Variants in MBNL2 observed in about 807,000 individuals in gnomAD.
MBNL2 encodes muscleblind like splicing regulator 2.
MBNL2 carries 17 observed loss-of-function variants against 41.9 expected under a neutral mutation model. That is an observed-to-expected ratio of 0.41 (90% CI 0.28 to 0.61). The LOEUF is 0.61. Ranked by LOEUF, MBNL2 falls within the 20% of genes least tolerant of loss-of-function variation. The probability of loss-of-function intolerance (pLI) is 0.35; values close to 1 mark genes in which losing one functional copy is unlikely to be tolerated. For synonymous variants in MBNL2, 195 were observed against 182.9 expected (o/e 1.07, Z -0.53); for missense variants, 336 against 505.6 (o/e 0.66, Z 3.22).
At chr13:97,172,612 A>T in the MBNL2 span, 1 of 152,206 alleles carries the variant, frequency 6.6e-6, no homozygotes, top group Non-Finnish European at 1.5e-5. Context: ...AGCATGGTTA[A>T]ATGAGAATCT....
In MBNL2 at chr13:97,366,966, TAGAA is replaced by T. The variant is rs984345440; in HGVS notation, c.1048+1799_1048+1802del. Among the ~76,000 whole-genome samples, 5 of 152,290 alleles carry T rather than the reference TAGAA, an allele frequency of 3.3e-5. No individual in the cohort carries two copies. Among genetic ancestry groups the T allele is most frequent in the East Asian group, 1.9e-4 (1 of 5,172 alleles). On this transcript the variant is annotated intron_variant, in intron 8 of 8. Coordinates refer to ENST00000679496, the MANE Select transcript of MBNL2 (RefSeq NM_001382683.1). The surrounding 1 kb of genome is among the most constrained non-coding windows in gnomAD (Gnocchi z 4.7). ...TGTGTGGAGGAAAAAAATCTCCTCTTAGAAAGAGTCATATTTGAGGCCTAAGTGT... is the reference window on the plus strand; with the variant it reads ...TGTGTGGAGGAAAAAAATCTCCTCTTAGAGTCATATTTGAGGCCTAAGTGT...
At chr13:97,152,584 C>A in the MBNL2 span, among the ~76,000 whole-genome samples, 1 of 152,172 alleles carries the variant, frequency 6.6e-6, no homozygotes, top group African/African-American at 2.4e-5. Context: ...TAGCATCAGA[C>A]TTCTCAATAC....
intron 1 of MBNL2, among the ~76,000 whole-genome samples, chr13:97,246,286 C>G (rs1472555318): frequency 6.8e-6 from 1 of 146,302 alleles, no homozygotes; most frequent in Non-Finnish European, 1.5e-5. Flanking sequence ...CACACACACA[C>G]ACACACACAC....
the MBNL2 span, among the ~76,000 whole-genome samples, chr13:97,141,879 GTC>G: frequency 6.6e-6 from 1 of 152,208 alleles, no homozygotes; most frequent in Non-Finnish European, 1.5e-5. Context: ...GGAGAGCTGT[GTC>G]TGAGGAGCCT....
chr13:97,201,930 G>C, the MBNL2 span, among the ~76,000 whole-genome samples: 8 of 152,098 alleles, frequency 5.3e-5, no homozygotes, highest in African/African-American at 1.9e-4. Flanking sequence ...GTGATTAGTG[G>C]GTTGGTAGAT....
chr13:97,204,679 T>C, the MBNL2 span, among the ~76,000 whole-genome samples: 2 of 152,096 alleles, frequency 1.3e-5, no homozygotes, highest in Non-Finnish European at 2.9e-5. Context: ...TTAGAAAACG[T>C]TTTCTTCTTG....
At chr13:97,178,432 T>C in the MBNL2 span, among the ~76,000 whole-genome samples, 1 of 152,174 alleles carries the variant, frequency 6.6e-6, no homozygotes, top group Non-Finnish European at 1.5e-5. Context: ...ACATGAATAA[T>C]AATTACATAG....
the MBNL2 span, among the ~76,000 whole-genome samples, chr13:97,198,231 C>T: frequency 5.9e-5 from 9 of 152,198 alleles, no homozygotes; most frequent in South Asian, 2.1e-4. Flanking sequence ...AAGTCTCATC[C>T]TCCCCAAGTT....
the MBNL2 span, among the ~76,000 whole-genome samples, chr13:97,169,925 T>G: frequency 6.6e-6 from 1 of 152,240 alleles, no homozygotes; most frequent in African/African-American, 2.4e-5. Context: ...CCAAATGTGA[T>G]GGCTTCAATT....
intron 4 of MBNL2, among the ~76,000 whole-genome samples, chr13:97,343,496 C>T (rs754216167): frequency 9.2e-5 from 14 of 152,192 alleles, no homozygotes; most frequent in Non-Finnish European, 1.9e-4. Flanking sequence ...GGAACAGTGA[C>T]TCAATCATGA....
At chr13:97,216,814 C>T (rs996027209), upstream of MBNL2, among the ~76,000 whole-genome samples, 15 of 151,802 alleles carry the variant, frequency 9.9e-5, no homozygotes, top group Admixed American at 2.0e-4. Flanking sequence ...TTTCCTTCTC[C>T]GGTCCAACTT....
At chr13:97,383,903 A>AT (rs201404646) in intron 8 of MBNL2, among the ~76,000 whole-genome samples, 16,678 of 145,470 alleles carry the variant, frequency 0.11, 1,375 homozygotes, top group African/African-American at 0.24. Flanking sequence ...TATATAATTA[A>AT]TTTTTTTTTT....
At chr13:97,201,172 G>A in the MBNL2 span, among the ~76,000 whole-genome samples, 2 of 152,248 alleles carry the variant, frequency 1.3e-5, no homozygotes, top group South Asian at 4.1e-4. Flanking sequence ...TTGGTAAAAC[G>A]AGCTGGGGTC....
the MBNL2 span, among the ~76,000 whole-genome samples, chr13:97,202,151 T>G: frequency 7.2e-5 from 11 of 152,338 alleles, no homozygotes; most frequent in South Asian, 1.9e-3. Flanking sequence ...CGATCTGATA[T>G]CTTGGATTTA....
At chr13:97,155,060 G>A in the MBNL2 span, among the ~76,000 whole-genome samples, 2 of 152,130 alleles carry the variant, frequency 1.3e-5, no homozygotes, top group African/African-American at 2.4e-5. Context: ...ATTGTGAGAT[G>A]AGCCCAAACT....
the MBNL2 span, among the ~76,000 whole-genome samples, chr13:97,205,703 A>G: frequency 6.6e-6 from 1 of 152,240 alleles, no homozygotes; most frequent in African/African-American, 2.4e-5. Context: ...TTAAGTAAAC[A>G]GTTAAGACAG....
chr13:97,287,522 T>C (rs1263443106), intron 2 of MBNL2, among the ~76,000 whole-genome samples: 1 of 152,126 alleles, frequency 6.6e-6, no homozygotes, highest in Non-Finnish European at 1.5e-5. Context: ...GGACATTCAA[T>C]ATTCCAGCCA....
intron 1 of MBNL2, among the ~76,000 whole-genome samples, chr13:97,230,446 A>G (rs1031072452): frequency 3.9e-5 from 6 of 152,200 alleles, no homozygotes; most frequent in Non-Finnish European, 8.8e-5. Context: ...ACATTTGACA[A>G]TGTGGGAATG....
intron 3 of MBNL2, among the ~76,000 whole-genome samples, chr13:97,339,201 G>C (rs1156293364): frequency 1.9e-3 from 1 of 520 alleles, no homozygotes; most frequent in Non-Finnish European, 3.6e-3. Context: ...TGAGTGTGTT[G>C]TGTGTGTGAG....
Sources: gnomAD v4.1 joint callset for allele counts (sites outside exome capture counted in the v4.1 genomes callset) on GRCh38, gnomAD v4.1.1 for gene constraint, Gnocchi (gnomAD v3.1) non-coding constraint, MANE v1.5 for transcripts, NCBI Gene and HGNC (gene_info 2026-07-23, HGNC 2026-07-21) for gene names.